The following TUBGCP3 variants were observed in gnomAD, a reference collection of about 807,000 sequenced individuals.
TUBGCP3 encodes the protein gamma-tubulin complex component 3.
TUBGCP3 carries 50 observed loss-of-function variants against 123.1 expected under a neutral mutation model. The ratio of observed to expected loss-of-function variants is 0.41; its 90% CI spans 0.32 to 0.51. The LOEUF (loss-of-function observed/expected upper bound fraction) is 0.51. Ranked by LOEUF, TUBGCP3 falls within the 20% of genes least tolerant of loss-of-function variation. TUBGCP3 has a pLI of 0.36. For missense variants in TUBGCP3, 882 were observed against 1,127.0 expected (o/e 0.78, Z 3.11); for synonymous variants, 405 against 413.9 (o/e 0.98, Z 0.26).
chr13:112,589,273 C>A (rs116542458), upstream of TUBGCP3, among the ~76,000 whole-genome samples: 2 of 152,208 alleles, frequency 1.3e-5, no homozygotes, highest in Admixed American at 6.5e-5. Context: ...GCCACCCTCT[C>A]CCCCACCTTC....
rs551944352 is a variant in TUBGCP3 at position 112,570,736 on chromosome 13, A to G, written c.77-1477T>C. Among the ~76,000 whole-genome samples, 14 of 152,336 alleles carry G rather than the reference A, an allele frequency of 9.2e-5. No individual in the cohort carries two copies. The South Asian group carries it at 2.7e-3, about 29-fold the overall frequency. On this transcript the variant is annotated intron_variant, in intron 1 of 21. Coordinates refer to ENST00000261965, the MANE Select transcript of TUBGCP3 (RefSeq NM_006322.6). ...CCTTCCTTTCATGCTTCTTCTCTATAGCATGTGATGTTGTTTGATAGCATT... is the reference window on the plus strand; with the variant it reads ...CCTTCCTTTCATGCTTCTTCTCTATGGCATGTGATGTTGTTTGATAGCATT...
intron 11 of TUBGCP3, among the ~76,000 whole-genome samples, chr13:112,542,448 T>C (rs1400033517): frequency 1.3e-5 from 2 of 152,208 alleles, no homozygotes; most frequent in Non-Finnish European, 2.9e-5. Flanking sequence ...CACCTTACCA[T>C]TGTGATAGAT....
intron 11 of TUBGCP3, among the ~76,000 whole-genome samples, chr13:112,540,483 G>T (rs60615861): frequency 7.7e-6 from 1 of 129,586 alleles, no homozygotes; most frequent in Non-Finnish European, 1.6e-5. Flanking sequence ...GAGCATTCAG[G>T]TGATCTTGGG....
chr13:112,578,491 G>A (rs1375822025), intron 1 of TUBGCP3, among the ~76,000 whole-genome samples: 10 of 144,776 alleles, frequency 6.9e-5, no homozygotes, highest in African/African-American at 1.8e-4. Flanking sequence ...CCCAAGAGGC[G>A]GAGCTTGCAG....
chr13:112,518,923 T>G, intron 16 of TUBGCP3, 52 bp downstream of exon 16: 1 of 1,512,692 alleles, frequency 6.6e-7, no homozygotes, highest in South Asian at 1.1e-5. Context: ...AACAAAATGT[T>G]TAACAATCTT....
At chr13:112,541,517 C>T (rs1878512506) in intron 11 of TUBGCP3, among the ~76,000 whole-genome samples, 2 of 142,436 alleles carry the variant, frequency 1.4e-5, no homozygotes, top group South Asian at 2.2e-4. Flanking sequence ...ATTCCAGCCT[C>T]GGCGGCAGAG....
chr13:112,604,644 CTAAGA>C, the TUBGCP3 span: 2 of 152,078 alleles, frequency 1.3e-5, no homozygotes, highest in African/African-American at 2.4e-5. Flanking sequence ...TTTCCTGCTC[CTAAGA>C]TAATAAATGT....
At chr13:112,537,244 G>T (rs975034711) in intron 11 of TUBGCP3, among the ~76,000 whole-genome samples, 2 of 146,074 alleles carry the variant, frequency 1.4e-5, no homozygotes, top group Non-Finnish European at 3.0e-5. Context: ...TCTTGTTCCT[G>T]ACCTTATGAA....
At chr13:112,488,405 G>A (rs982412562) in intron 21 of TUBGCP3, among the ~76,000 whole-genome samples, 4 of 152,226 alleles carry the variant, frequency 2.6e-5, no homozygotes, top group African/African-American at 9.7e-5. Flanking sequence ...GGAGGCAAAA[G>A]CAGAGGGACA....
chr13:112,490,744 G>A (rs770542834), intron 20 of TUBGCP3, among the ~76,000 whole-genome samples: 15 of 152,130 alleles, frequency 9.9e-5, no homozygotes, highest in African/African-American at 3.1e-4. Context: ...TAGGGTATCA[G>A]CTTCGTGATT....
intron 16 of TUBGCP3, 97 bp downstream of exon 16, chr13:112,518,878 G>C (rs1876382004): frequency 9.7e-7 from 1 of 1,031,544 alleles, no homozygotes; most frequent in South Asian, 1.3e-5. Flanking sequence ...GTGATCACTT[G>C]AATTAGAAGT....
chr13:112,580,081 G>C (rs1203484165), intron 1 of TUBGCP3, among the ~76,000 whole-genome samples: 1 of 152,166 alleles, frequency 6.6e-6, no homozygotes, highest in African/African-American at 2.4e-5. Flanking sequence ...CAAAACTTTT[G>C]ACTGAACACT....
intron 11 of TUBGCP3, among the ~76,000 whole-genome samples, chr13:112,532,349 T>C (rs1242889022): frequency 1.3e-5 from 2 of 152,258 alleles, no homozygotes; most frequent in Non-Finnish European, 2.9e-5. Context: ...AGATATTCTA[T>C]CTTATCCATA....
At chr13:112,581,500 C>T (rs1882272038) in intron 1 of TUBGCP3, among the ~76,000 whole-genome samples, 1 of 151,724 alleles carries the variant, frequency 6.6e-6, no homozygotes, top group Admixed American at 6.6e-5. Flanking sequence ...GGCTGGAGTG[C>T]AGTGGTAAGA....
At chr13:112,503,934 T>C in intron 19 of TUBGCP3, 98 bp downstream of exon 19, 1 of 1,389,224 alleles carries the variant, frequency 7.2e-7, no homozygotes, top group Non-Finnish European at 9.7e-7. Flanking sequence ...CCAATGTGGC[T>C]GCATCAGGGC....
chr13:112,555,105 C>A, intron 6 of TUBGCP3, 100 bp from the exon 7 acceptor site: 4 of 691,884 alleles, frequency 5.8e-6, no homozygotes, highest in Non-Finnish European at 9.6e-6. Context: ...TTTGCCACCC[C>A]GATGAAATTT....
chr13:112,508,515 G>A lies in TUBGCP3; in HGVS notation c.2087-3801C>T, dbSNP rs1046706463. Among the ~76,000 whole-genome samples the A allele has an allele frequency of 6.6e-6, 1 of 151,920 alleles. No homozygotes were observed. Among genetic ancestry groups the A allele is most frequent in the Non-Finnish European group, 1.5e-5 (1 of 67,972 alleles). On this transcript the variant is annotated intron_variant, in intron 17 of 21. Coordinates refer to ENST00000261965, the MANE Select transcript of TUBGCP3 (RefSeq NM_006322.6). This position sits in a 1 kb window ranked among gnomAD's most constrained non-coding sequence, Gnocchi z 4.2. ...CCAACCCCATCTTCCTCCTAGCCAC[G>A]GCACCCTGTGAGACTGCAGTTCCCA...
chr13:112,569,982 A>C (rs1282506421), intron 1 of TUBGCP3, among the ~76,000 whole-genome samples: 1 of 152,142 alleles, frequency 6.6e-6, no homozygotes, highest in East Asian at 1.9e-4. Context: ...CCCACTGCAG[A>C]GCCCAGGCAG....
chr13:112,568,427 C>T (rs1027293551), intron 2 of TUBGCP3, among the ~76,000 whole-genome samples: 1 of 151,806 alleles, frequency 6.6e-6, no homozygotes, highest in Non-Finnish European at 1.5e-5. Context: ...ATTACTGAGA[C>T]CCAAGGCCAA....
Sources: allele counts gnomAD v4.1 joint callset (sites outside exome capture counted in the v4.1 genomes callset), GRCh38; gene constraint gnomAD v4.1.1; non-coding constraint Gnocchi (gnomAD v3.1); transcripts MANE v1.5; gene names NCBI Gene and HGNC (gene_info 2026-07-23, HGNC 2026-07-21).